The following CCDC170 variants were observed in gnomAD, a reference collection of about 807,000 sequenced individuals.
CCDC170 encodes the protein coiled-coil domain containing 170.
CCDC170 carries 69 observed loss-of-function variants against 72.6 expected under a neutral mutation model. That is an observed-to-expected ratio of 0.95 (90% CI 0.78 to 1.16). The LOEUF is 1.16. Ranked by LOEUF, CCDC170 falls within the 50% of genes most tolerant of loss-of-function variation. CCDC170 has a pLI of 0.00. For synonymous variants in CCDC170, 300 were observed against 303.9 expected (o/e 0.99, Z 0.13); for missense variants, 852 against 832.5 (o/e 1.02, Z -0.29).
chr6:151,496,802 A>G lies in CCDC170; in HGVS notation c.57+2617A>G, dbSNP rs547448787. On this transcript the variant is annotated intron_variant, in intron 1 of 10. Coordinates refer to ENST00000239374, the MANE Select transcript of CCDC170 (RefSeq NM_025059.4). Reference sequence around the variant, plus strand: ...ACATCTTGGTCAAAACAATTAATGTATCAGCATTTTAGTTTTTTCTTCTAA... The same window carrying G: ...ACATCTTGGTCAAAACAATTAATGTGTCAGCATTTTAGTTTTTTCTTCTAA... 3.9e-5 allele frequency among the ~76,000 whole-genome samples: 6 copies of G among 152,368 alleles called. No individual in the cohort carries two copies. In the South Asian group the frequency reaches 6.2e-4, roughly 16 times the overall value.
intron 1 of CCDC170, among the ~76,000 whole-genome samples, chr6:151,529,562 C>A (rs909948866): frequency 1.4e-4 from 22 of 152,224 alleles, no homozygotes; most frequent in African/African-American, 5.3e-4. Flanking sequence ...GAGGCTGAGG[C>A]AGGAGAATCG....
intron 1 of CCDC170, among the ~76,000 whole-genome samples, chr6:151,535,126 T>C (rs1782555664): frequency 6.6e-6 from 1 of 152,224 alleles, no homozygotes; most frequent in Non-Finnish European, 1.5e-5. Flanking sequence ...TCTGCAGGTG[T>C]GTTTATTTGA....
At chr6:151,586,557 G>C (rs1433178169) in intron 7 of CCDC170, among the ~76,000 whole-genome samples, 1 of 151,902 alleles carries the variant, frequency 6.6e-6, no homozygotes. Flanking sequence ...ATACTGTAGG[G>C]GAAACAGTTT....
chr6:151,514,234 A>C (rs1017708792), intron 1 of CCDC170, among the ~76,000 whole-genome samples: 2 of 149,388 alleles, frequency 1.3e-5, no homozygotes, highest in African/African-American at 2.5e-5. Context: ...CTGGGAGGTC[A>C]AGTCTGCAGT....
At chr6:151,553,754 A>T (rs1279520042) in intron 5 of CCDC170, among the ~76,000 whole-genome samples, 1 of 152,150 alleles carries the variant, frequency 6.6e-6, no homozygotes. Flanking sequence ...TATATGGGCA[A>T]TAAAAAAACT....
chr6:151,516,051 C>T (rs1782230571), intron 1 of CCDC170, among the ~76,000 whole-genome samples: 2 of 146,202 alleles, frequency 1.4e-5, no homozygotes, highest in Non-Finnish European at 3.0e-5. Flanking sequence ...GGTGACAGAG[C>T]AAGATTCTGT....
At chr6:151,591,182 G>A (rs529599152) in intron 7 of CCDC170, among the ~76,000 whole-genome samples, 2 of 152,302 alleles carry the variant, frequency 1.3e-5, no homozygotes, top group South Asian at 4.1e-4. Flanking sequence ...CAGTTGGCAG[G>A]AAGTTGTACC....
At chr6:151,562,640 G>T (rs1047308148) in intron 5 of CCDC170, among the ~76,000 whole-genome samples, 1 of 152,156 alleles carries the variant, frequency 6.6e-6, no homozygotes, top group Admixed American at 6.5e-5. Context: ...GTAGGGCTGG[G>T]GGTGCAGAGT....
At chr6:151,544,525 A>G (rs200999196) in intron 3 of CCDC170, 47 bp from the exon 4 acceptor site, 3 of 1,556,500 alleles carry the variant, frequency 1.9e-6, no homozygotes, top group East Asian at 2.3e-5. Flanking sequence ...GATGAATGTT[A>G]TCTTCCATGG....
intron 4 of CCDC170, among the ~76,000 whole-genome samples, chr6:151,547,516 T>G (rs1479548192): frequency 6.6e-6 from 1 of 151,224 alleles, no homozygotes; most frequent in Non-Finnish European, 1.5e-5. Context: ...TGAGGAAGAG[T>G]GTTGGAGAGA....
chr6:151,551,015 T>C (rs1782869258), intron 5 of CCDC170, among the ~76,000 whole-genome samples: 1 of 152,190 alleles, frequency 6.6e-6, no homozygotes, highest in Non-Finnish European at 1.5e-5. Flanking sequence ...GCAATTACTT[T>C]TAATGGCATC....
At chr6:151,608,032 T>C (rs1167012512) in intron 9 of CCDC170, among the ~76,000 whole-genome samples, 1 of 152,164 alleles carries the variant, frequency 6.6e-6, no homozygotes. Flanking sequence ...TTATTTTTTC[T>C]TTTTTGGACT....
At chr6:151,554,995 C>T (rs1257999143) in intron 5 of CCDC170, among the ~76,000 whole-genome samples, 2 of 150,120 alleles carry the variant, frequency 1.3e-5, no homozygotes, top group Non-Finnish European at 1.5e-5. Context: ...TCTCCTGCCT[C>T]AGCCTCCCGA....
chr6:151,577,324 A>G (rs898415001), intron 6 of CCDC170, among the ~76,000 whole-genome samples: 3 of 152,118 alleles, frequency 2.0e-5, no homozygotes, highest in African/African-American at 7.2e-5. Context: ...AATTGCCCCC[A>G]GTTGAAAACC....
intron 8 of CCDC170, among the ~76,000 whole-genome samples, chr6:151,593,923 A>G (rs963265966): frequency 2.0e-5 from 3 of 152,330 alleles, no homozygotes; most frequent in South Asian, 4.1e-4. Flanking sequence ...AGCTAGAAAA[A>G]AATTCACAGT....
intron 7 of CCDC170, among the ~76,000 whole-genome samples, chr6:151,589,042 T>C (rs1201301710): frequency 6.6e-6 from 1 of 151,908 alleles, no homozygotes; most frequent in African/African-American, 2.4e-5. Context: ...TCACTTGAGG[T>C]CAGAAGTTCA....
intron 9 of CCDC170, among the ~76,000 whole-genome samples, chr6:151,596,891 A>G (rs1776634494): frequency 6.6e-6 from 1 of 152,086 alleles, no homozygotes; most frequent in Admixed American, 6.5e-5. Context: ...CAATGACGTG[A>G]TCTTGGCTCA....
At chr6:151,549,695 G>A (rs1436523766) in intron 5 of CCDC170, among the ~76,000 whole-genome samples, 1 of 152,114 alleles carries the variant, frequency 6.6e-6, no homozygotes, top group South Asian at 2.1e-4. Flanking sequence ...CCAAAATGCT[G>A]GGATTACAGG....
At chr6:151,585,797 A>G (rs1663679908) in intron 6 of CCDC170, 92 bp from the exon 7 acceptor site, 1 of 1,137,138 alleles carries the variant, frequency 8.8e-7, no homozygotes, top group Non-Finnish European at 1.2e-6. Context: ...TTGGTATCAT[A>G]AACAGTTATG....
Sources: gnomAD v4.1 joint callset for allele counts (sites outside exome capture counted in the v4.1 genomes callset) on GRCh38, gnomAD v4.1.1 for gene constraint, MANE v1.5 for transcripts, NCBI Gene and HGNC (gene_info 2026-07-23, HGNC 2026-07-21) for gene names.